DMD: variants seen among roughly 807,000 people sequenced by gnomAD.
DMD encodes the protein dystrophin, also known as mutant dystrophin.
A neutral mutation model predicts 330.1 loss-of-function variants in DMD; 63 were observed. That is an observed-to-expected ratio of 0.19 (90% CI 0.16 to 0.24). DMD has a LOEUF of 0.24. Among genes scored for constraint, DMD ranks in the 10% least tolerant of loss-of-function variants. The pLI is 1.00. For missense variants in DMD, 3,344 were observed against 2,684.1 expected, an observed-to-expected ratio of 1.25 and a Z score of -5.43; for synonymous variants, 1,223 against 959.8, an observed-to-expected ratio of 1.27 and a Z score of -5.07.
At chrX:32,558,879 G>C (rs192239531) in intron 16 of DMD, among the ~76,000 whole-genome samples, 1 of 107,952 alleles carries the variant, frequency 9.3e-6, no homozygotes, top group East Asian at 2.9e-4. Flanking sequence ...ATTATAGTTG[G>C]AGATAGCAAA....
chrX:32,436,826 C>A (rs2098263282), intron 29 of DMD, among the ~76,000 whole-genome samples: 1 of 109,723 alleles, frequency 9.1e-6, no homozygotes, highest in South Asian at 4.0e-4. Context: ...GCAGCATGCA[C>A]CTGTAGTCCC....
chrX:32,712,768 G>A (rs1446644769), intron 7 of DMD, among the ~76,000 whole-genome samples: 1 of 111,018 alleles, frequency 9.0e-6, no homozygotes, highest in Non-Finnish European at 1.9e-5. Context: ...ACTGTTTAAT[G>A]GTCTTTCACA....
In DMD at chrX:31,981,185, T is replaced by C. The variant is rs770981011; in HGVS notation, c.6439-12671A>G. On this transcript the variant is annotated intron_variant, in intron 44 of 78. Transcript: ENST00000357033. ...CAATTTAGACAATCTATAAGACGAG[T>C]CAAGTGGCATCTGTCTTTCAGGAAC... 1.2e-4 allele frequency among the ~76,000 whole-genome samples: 13 copies of C among 111,441 alleles called. 1 individual carries two copies.
chrX:33,288,564 C>A (rs963416896), intron 1 of DMD, among the ~76,000 whole-genome samples: 3 of 110,945 alleles, frequency 2.7e-5, no homozygotes, highest in African/African-American at 9.8e-5. Flanking sequence ...CAATGGCCTC[C>A]TATTGACCTT....
intron 15 of DMD, among the ~76,000 whole-genome samples, chrX:32,571,462 C>T (rs1028873250): frequency 1.8e-5 from 2 of 111,497 alleles, no homozygotes; most frequent in Non-Finnish European, 3.8e-5. Context: ...TCTGCTCAAT[C>T]TTTTGGTCAA....
rs779710497 is a variant in DMD, at chrX:31,137,276, C to T, written c.10922-3082G>A. On this transcript the variant is annotated intron_variant, in intron 76 of 78. Transcript: ENST00000357033. ...CCTCGTGATCCACCTGCCTCGGCCT[C>T]CCAAAGTGCTGGGATTACAGGCGTG... 3.6e-5 allele frequency among the ~76,000 whole-genome samples: 4 copies of T among 112,261 alleles called. No homozygotes were observed. In the South Asian group the frequency reaches 1.5e-3, roughly 42 times the overall value.
rs1360464263 is a variant in DMD, at chrX:32,821,971, A to C, written c.357+1324T>G. Reference sequence around the variant, plus strand: ...CCTCAAAATAGTTTGAGAGGCTACCAAGAACCAGAACTAAACCAGATTGAT... The same window carrying C: ...CCTCAAAATAGTTTGAGAGGCTACCCAGAACCAGAACTAAACCAGATTGAT... On this transcript the variant is annotated intron_variant, in intron 5 of 78. Coordinates refer to ENST00000357033, the MANE Select transcript of DMD (RefSeq NM_004006.3). Among the ~76,000 whole-genome samples the C allele has an allele frequency of 2.7e-5, 3 of 111,774 alleles. No individual in the cohort carries two copies. In the Admixed American group the frequency reaches 2.9e-4, roughly 11 times the overall value.
intron 1 of DMD, among the ~76,000 whole-genome samples, chrX:33,327,712 A>T (rs2054108712): frequency 9.0e-6 from 1 of 111,681 alleles, no homozygotes; most frequent in Non-Finnish European, 1.9e-5. Context: ...CCAAATCTGT[A>T]TCACTAACTC....
At chrX:32,162,149 C>T (rs1056135940) in intron 44 of DMD, among the ~76,000 whole-genome samples, 1 of 111,518 alleles carries the variant, frequency 9.0e-6, no homozygotes, top group Non-Finnish European at 1.9e-5. Flanking sequence ...CCTGTACATT[C>T]TGCACGTGTA....
At chrX:32,044,956 C>T (rs2096052012) in intron 44 of DMD, among the ~76,000 whole-genome samples, 1 of 111,837 alleles carries the variant, frequency 8.9e-6, no homozygotes, top group South Asian at 3.7e-4. Flanking sequence ...CCACTCAAAT[C>T]TCAAGTGGAA....
At position 33,145,841 on chromosome X, in the gene DMD, TA is replaced by T. The variant is rs946601274; in HGVS notation, c.31+65440del. Among the ~76,000 whole-genome samples, 16 of 110,686 alleles carry T rather than the reference TA, an allele frequency of 1.4e-4. 1 individual carries two copies. Among genetic ancestry groups the T allele is most frequent in the African/African-American group, 5.2e-4 (16 of 30,519 alleles). ...TTAAAGTGCACAATTCAGTGATATA[TA>T]GTATATTCACATAGTTATGCAACTG... is the stretch of plus-strand genomic sequence containing the variant. On this transcript the variant is annotated intron_variant, in intron 1 of 78. Transcript: ENST00000357033.
chrX:32,839,455 T>A (rs1227049924), intron 4 of DMD, among the ~76,000 whole-genome samples: 1 of 112,056 alleles, frequency 8.9e-6, no homozygotes, highest in Non-Finnish European at 1.9e-5. Context: ...CTGTAATCTC[T>A]GACACACAAA....
chrX:31,487,844 A>G (rs1376332170), intron 57 of DMD, among the ~76,000 whole-genome samples: 2 of 112,245 alleles, frequency 1.8e-5, no homozygotes, highest in Non-Finnish European at 3.8e-5. Flanking sequence ...GATTGAATAA[A>G]TTTGATGTAA....
At chrX:32,837,967 A>G (rs1017397769) in intron 4 of DMD, among the ~76,000 whole-genome samples, 3 of 112,134 alleles carry the variant, frequency 2.7e-5, no homozygotes, top group Non-Finnish European at 3.8e-5. Flanking sequence ...GATAATGCTC[A>G]TATTTTATAG....
rs767998402 is a variant in DMD, at chrX:32,305,170, C to T, written c.6117+4912G>A. 9.0e-5 allele frequency among the ~76,000 whole-genome samples: 10 copies of T among 111,422 alleles called. No individual in the cohort carries two copies. In the South Asian group the frequency reaches 3.7e-3, roughly 41 times the overall value. ...TTGCTATTATCTAATTCTCCTAATA[C>T]CAGAATAGAAAAGCAGTCACTTTGC... On this transcript the variant is annotated intron_variant, in intron 42 of 78. Transcript: ENST00000357033.
intron 4 of DMD, among the ~76,000 whole-genome samples, chrX:32,841,521 A>G (rs1160200917): frequency 1.8e-5 from 2 of 112,118 alleles, no homozygotes; most frequent in Non-Finnish European, 3.8e-5. Context: ...ACAATGCAAG[A>G]GAATTGAAGT....
chrX:32,049,265 C>T (rs1446053639), intron 44 of DMD, among the ~76,000 whole-genome samples: 1 of 110,736 alleles, frequency 9.0e-6, no homozygotes, highest in Non-Finnish European at 1.9e-5. Context: ...TGTAATACGT[C>T]CGTTAAAAAA....
intron 52 of DMD, among the ~76,000 whole-genome samples, chrX:31,702,986 C>T (rs150924370): frequency 4.6e-5 from 5 of 109,071 alleles, no homozygotes; most frequent in African/African-American, 1.7e-4. Context: ...TCCTGAGTAG[C>T]TGGGATTACA....
At chrX:33,237,096 C>A (rs2052497821) in intron 1 of DMD, among the ~76,000 whole-genome samples, 1 of 110,437 alleles carries the variant, frequency 9.1e-6, no homozygotes, top group Non-Finnish European at 1.9e-5. Context: ...AATATAAAAC[C>A]ATTTCTGAAT....
Sources: gnomAD v4.1 joint callset for allele counts (sites outside exome capture counted in the v4.1 genomes callset) on GRCh38, gnomAD v4.1.1 for gene constraint, MANE v1.5 for transcripts, NCBI Gene and HGNC (gene_info 2026-07-23, HGNC 2026-07-21) for gene names.